TRAK1: variants seen among roughly 807,000 people sequenced by gnomAD.
TRAK1 encodes trafficking kinesin-binding protein 1.
TRAK1 carries 33 observed loss-of-function variants against 92.1 expected under a neutral mutation model. The observed-to-expected ratio is 0.36, with a 90% CI of 0.27 to 0.48. The LOEUF is 0.48. TRAK1 is among the 20% of genes least tolerant of loss of function. The pLI is 0.99. For missense variants in TRAK1, 1,123 were observed against 1,257.9 expected (o/e 0.89, Z 1.62); for synonymous variants, 521 against 517.3 (o/e 1.01, Z -0.10).
At position 42,160,441 on chromosome 3, in the gene TRAK1, G is replaced by GGT. The variant is rs779804036; in HGVS notation, c.287-16372_287-16371insTG. On this transcript the variant is annotated intron_variant, in intron 2 of 15. Transcript: ENST00000327628. Reference sequence around the variant, plus strand: ...GATGAAGAGAGGAAGCCAACCCACAGGCAGCATGACACCCAGGACCTCTTG... The same window carrying GGT: ...GATGAAGAGAGGAAGCCAACCCACAGGTGCAGCATGACACCCAGGACCTCTTG... The GGT allele has an allele frequency of 3.1e-6, 5 of 1,614,116 alleles. No homozygotes were observed. In the African/African-American group the frequency reaches 6.7e-5, roughly 22 times the overall value.
intron 15 of TRAK1, chr3:42,220,395 C>A: frequency 1.3e-6 from 1 of 781,202 alleles, no homozygotes; most frequent in Non-Finnish European, 1.6e-6. Context: ...ACCCCCTCAG[C>A]TGTTTCCTCT....
chr3:42,064,534 C>T (rs1156934156), intron 1 of TRAK1, among the ~76,000 whole-genome samples: 2 of 152,042 alleles, frequency 1.3e-5, no homozygotes, highest in East Asian at 1.9e-4. Flanking sequence ...CCATGTGATC[C>T]TAGACTAATA....
Position 42,157,457 on chromosome 3 carries a change from CAAAAAAAAAAAAA to C in TRAK1, c.287-19337_287-19325del, listed in dbSNP as rs60622565. On this transcript the variant is annotated intron_variant, in intron 2 of 15. Coordinates refer to ENST00000327628, the MANE Select transcript of TRAK1 (RefSeq NM_001042646.3). ...TGGGCAACAGAATGAGACCCTGTCT[CAAAAAAAAAAAAA>C]AAAAAAAAAAAAAAAAAAAGGTTAA... Among the ~76,000 whole-genome samples the C allele has an allele frequency of 1.7e-3, 54 of 31,112 alleles. 1 individual carries two copies. Among genetic ancestry groups the C allele is most frequent in the East Asian group, 7.0e-3 (5 of 710 alleles). The allele number at this position is 31,112 out of a possible 152,430, so 20.4% of individuals were successfully genotyped here. A position where few individuals can be genotyped will look rare whatever the true frequency, so the allele number is the denominator to read the frequency against.
At chr3:42,116,972 G>T (rs1709245774) in intron 1 of TRAK1, among the ~76,000 whole-genome samples, 1 of 152,134 alleles carries the variant, frequency 6.6e-6, no homozygotes, top group Admixed American at 6.5e-5. Context: ...CAGACTGGAG[G>T]CATGCATGTT....
At chr3:42,094,688 A>G (rs1705639788) in intron 1 of TRAK1, among the ~76,000 whole-genome samples, 1 of 152,178 alleles carries the variant, frequency 6.6e-6, no homozygotes, top group Non-Finnish European at 1.5e-5. Context: ...TAACTTTATA[A>G]CTAGATCTGG....
At chr3:42,086,400 G>A (rs1049609432), upstream of TRAK1, among the ~76,000 whole-genome samples, 8 of 150,000 alleles carry the variant, frequency 5.3e-5, no homozygotes, top group East Asian at 2.0e-4. Context: ...CTGCCTCCCC[G>A]GTTCAAGCAA....
chr3:42,184,682 T>C lies in TRAK1; in HGVS notation c.364-3T>C, dbSNP rs372836066. The stretch of plus-strand genomic sequence containing the variant: ...TCTCTGTTCTCCCTCTTTCCTTTTG[T>C]AGAAAGAGCGGGATTTAGAATTGGC... On this transcript the variant is annotated splice_polypyrimidine_tract_variant and splice_region_variant and intron_variant, in intron 3 of 15. Transcript: ENST00000327628. 2 of 1,613,374 alleles carry C rather than the reference T, an allele frequency of 1.2e-6. No individual in the cohort carries two copies. The highest frequency in any genetic ancestry group is 2.7e-5 in the African/African-American group (2 of 74,916).
chr3:42,033,221 ATG>A (rs1361611263), intron 1 of TRAK1, among the ~76,000 whole-genome samples: 1 of 152,082 alleles, frequency 6.6e-6, no homozygotes, highest in Non-Finnish European at 1.5e-5. Flanking sequence ...CTCCTTGGAA[ATG>A]TGTGAGGCGC....
chr3:42,186,389 C>T (rs559116074), intron 4 of TRAK1, among the ~76,000 whole-genome samples: 1 of 152,258 alleles, frequency 6.6e-6, no homozygotes. Context: ...ATTCCCAGTA[C>T]ATTGTTGTCT....
At chr3:42,075,760 T>C (rs968991542) in intron 1 of TRAK1, among the ~76,000 whole-genome samples, 1 of 152,252 alleles carries the variant, frequency 6.6e-6, no homozygotes, top group Non-Finnish European at 1.5e-5. Context: ...AGCTTTTTTT[T>C]CATATGCTTT....
rs755788394 is a variant in TRAK1, at chr3:42,184,819, G to A, written c.480+18G>A. The A allele has an allele frequency of 3.1e-6, 5 of 1,600,846 alleles. No individual in the cohort carries two copies. Among genetic ancestry groups the A allele is most frequent in the South Asian group, 1.1e-5 (1 of 90,620 alleles). On this transcript the variant is annotated intron_variant, in intron 4 of 15. Transcript: ENST00000327628. ...GGGAGGAGGTAAGACATTGGAGGCC[G>A]AGGCTTCCAGAGGGGCCCGCCACAG... is the stretch of plus-strand genomic sequence containing the variant.
At chr3:42,025,154 C>G (rs115759150) in intron 1 of TRAK1, among the ~76,000 whole-genome samples, 1 of 152,274 alleles carries the variant, frequency 6.6e-6, no homozygotes, top group African/African-American at 2.4e-5. Context: ...CTCCCTGCCC[C>G]GCTTTCTGCT....
chr3:42,178,917 G>A (rs979280422), intron 3 of TRAK1, among the ~76,000 whole-genome samples: 1 of 152,112 alleles, frequency 6.6e-6, no homozygotes, highest in Non-Finnish European at 1.5e-5. Flanking sequence ...GGAGATTGCC[G>A]TGCACCGAGA....
Position 42,136,077 on chromosome 3 carries a change from A to C in TRAK1, c.286+10463A>C, listed in dbSNP as rs150913366. On this transcript the variant is annotated intron_variant, in intron 2 of 15. Coordinates refer to ENST00000327628, the MANE Select transcript of TRAK1 (RefSeq NM_001042646.3). Reference sequence around the variant, plus strand: ...AGTTTGTACCTCAGTCCTGGTTCTGAAACCTGTTTCTCTATCATCATAAAG... The same window carrying C: ...AGTTTGTACCTCAGTCCTGGTTCTGCAACCTGTTTCTCTATCATCATAAAG... 1.5e-3 allele frequency among the ~76,000 whole-genome samples: 233 copies of C among 152,236 alleles called. 1 individual carries two copies. Among genetic ancestry groups the C allele is most frequent in the African/African-American group, 5.5e-3 (227 of 41,538 alleles).
At chr3:42,218,343 CT>C in intron 14 of TRAK1, 2 of 978,756 alleles carry the variant, frequency 2.0e-6, no homozygotes, top group Non-Finnish European at 2.4e-6. Flanking sequence ...AGTTCACAGC[CT>C]TTTGAATCTT....
intron 14 of TRAK1, 21 bp from the exon 15 acceptor site, chr3:42,219,473 G>A (rs1446327004): frequency 6.2e-7 from 1 of 1,614,038 alleles, no homozygotes; most frequent in South Asian, 1.1e-5. Context: ...CAAGGAATAT[G>A]TTTTGTTCCT....
chr3:42,091,516 T>C lies in TRAK1; in HGVS notation c.47T>C (p.Leu16Pro). Residue 16 changes from leucine to proline, a missense_variant, in exon 1 of 16, where the codon CTG (leucine) becomes CCG (proline). Physicochemically the swap from Leu to Pro is moderately conservative, Grantham distance 98. This residue lies in a region of TRAK1 where 686 missense variants were observed against 747.6 expected (regional missense o/e 0.92). Transcript: ENST00000327628. ...GGGCAGCCCGTCAGGGCTCAGCCTC[T>C]GCCAGGACTCTGCCACGGCAAGCTC... The part of the protein sequence containing the change: ...QFGQPVRAQP[L>P]PGLCHGKLIR... 2 of 1,613,592 alleles carry C rather than the reference T, an allele frequency of 1.2e-6. No homozygotes were observed. The highest frequency in any genetic ancestry group is 1.7e-6 in the Non-Finnish European group (2 of 1,179,892).
chr3:42,044,003 G>A (rs1295615468), intron 1 of TRAK1, among the ~76,000 whole-genome samples: 1 of 152,186 alleles, frequency 6.6e-6, no homozygotes, highest in African/African-American at 2.4e-5. Flanking sequence ...GTCATCTGCT[G>A]GTGGGCCCTG....
intron 1 of TRAK1, among the ~76,000 whole-genome samples, chr3:42,040,306 T>C (rs939255482): frequency 7.2e-5 from 11 of 152,322 alleles, no homozygotes; most frequent in African/African-American, 2.4e-4. Context: ...AATTAATTGA[T>C]TAATTATATA....
Sources: gnomAD v4.1 joint callset for allele counts (sites outside exome capture counted in the v4.1 genomes callset) on GRCh38, gnomAD v4.1.1 for gene constraint, gnomAD v4.1.1 regional missense constraint, MANE v1.5 for transcripts, NCBI Gene and HGNC (gene_info 2026-07-23, HGNC 2026-07-21) for gene names.